Variants in NALF1 observed in about 807,000 individuals in gnomAD.
NALF1 encodes the protein family with sequence similarity 155 member A.
In NALF1, 3 loss-of-function variants were observed where a neutral mutation model predicts 48.4. The ratio of observed to expected loss-of-function variants is 0.06; its 90% CI spans 0.03 to 0.16. NALF1 has a LOEUF of 0.16. NALF1 is among the 10% of genes least tolerant of loss of function. NALF1 has a pLI of 1.00. For missense variants in NALF1, 526 were observed against 571.5 expected (o/e 0.92, Z 0.81); for synonymous variants, 262 against 245.7 (o/e 1.07, Z -0.62).
intron 1 of NALF1, among the ~76,000 whole-genome samples, chr13:107,772,187 A>G (rs1434617675): frequency 2.0e-5 from 3 of 152,070 alleles, no homozygotes; most frequent in Non-Finnish European, 4.4e-5. Context: ...TACTTTCAGG[A>G]ACTCCTACTC....
At chr13:107,584,128 T>C (rs1181907004) in intron 1 of NALF1, among the ~76,000 whole-genome samples, 1 of 152,144 alleles carries the variant, frequency 6.6e-6, no homozygotes, top group African/African-American at 2.4e-5. Flanking sequence ...CTAGGGACTC[T>C]CAATAAATAG....
chr13:107,593,221 T>C (rs1475885593), intron 1 of NALF1, among the ~76,000 whole-genome samples: 1 of 151,946 alleles, frequency 6.6e-6, no homozygotes, highest in Non-Finnish European at 1.5e-5. Context: ...TAAGAACATT[T>C]AATGCTGTAC....
chr13:107,271,147 C>T (rs1419142183), intron 1 of NALF1, among the ~76,000 whole-genome samples: 1 of 152,150 alleles, frequency 6.6e-6, no homozygotes, highest in Non-Finnish European at 1.5e-5. Context: ...ACCTCTACCA[C>T]TGATGTTACT....
chr13:107,732,227 C>T (rs1210855191), intron 1 of NALF1, among the ~76,000 whole-genome samples: 1 of 151,958 alleles, frequency 6.6e-6, no homozygotes, highest in Admixed American at 6.6e-5. Context: ...TACATGCATC[C>T]TCTATATACT....
At chr13:107,818,813 A>C (rs1294354084) in intron 1 of NALF1, among the ~76,000 whole-genome samples, 1 of 130,200 alleles carries the variant, frequency 7.7e-6, no homozygotes, top group Non-Finnish European at 1.5e-5. Flanking sequence ...CGGAGCTTGC[A>C]GTGAGCCGAG....
chr13:107,604,792 G>A (rs746042625), intron 1 of NALF1, among the ~76,000 whole-genome samples: 3 of 152,062 alleles, frequency 2.0e-5, no homozygotes, highest in Non-Finnish European at 2.9e-5. Context: ...AAGCTGTGCC[G>A]CAGCCTCAAG....
chr13:107,183,803 T>C (rs1004088775), intron 2 of NALF1, among the ~76,000 whole-genome samples: 4 of 151,910 alleles, frequency 2.6e-5, no homozygotes, highest in Non-Finnish European at 5.9e-5. Flanking sequence ...TGAGAACACA[T>C]GGGCACAGAG....
Position 107,203,359 on chromosome 13 carries a change from G to A in NALF1, c.1087+7225C>T, listed in dbSNP as rs183738854. ...GTTATCGCCTCCTGGCTGTAGAGGA[G>A]ATCACTACATGCTTTGATTCAGCTT... is the stretch of plus-strand genomic sequence containing the variant. On this transcript the variant is annotated intron_variant, in intron 2 of 2. Coordinates refer to ENST00000375915, the MANE Select transcript of NALF1 (RefSeq NM_001080396.3). Among the ~76,000 whole-genome samples, 28 of 152,252 alleles carry A rather than the reference G, an allele frequency of 1.8e-4. No homozygotes were observed. In the East Asian group the frequency reaches 5.0e-3, roughly 27 times the overall value.
chr13:107,526,049 G>T (rs1188101133), intron 1 of NALF1, among the ~76,000 whole-genome samples: 3 of 151,948 alleles, frequency 2.0e-5, no homozygotes, highest in African/African-American at 4.8e-5. Context: ...GACATATTCT[G>T]GATACAAGTT....
At chr13:107,640,860 G>A (rs1880133336) in intron 1 of NALF1, among the ~76,000 whole-genome samples, 3 of 152,256 alleles carry the variant, frequency 2.0e-5, no homozygotes, top group African/African-American at 2.4e-5. Flanking sequence ...GAGGCCCTAT[G>A]GCAAGATATA....
intron 1 of NALF1, among the ~76,000 whole-genome samples, chr13:107,430,529 T>C (rs181708742): frequency 3.3e-5 from 5 of 152,260 alleles, no homozygotes; most frequent in African/African-American, 1.2e-4. Context: ...AATTCCCACC[T>C]ATGAGTGAGA....
chr13:107,420,840 C>G (rs1250016614), intron 1 of NALF1, among the ~76,000 whole-genome samples: 1 of 152,162 alleles, frequency 6.6e-6, no homozygotes, highest in African/African-American at 2.4e-5. Flanking sequence ...ATTAATTTCT[C>G]ACTTTCGTTT....
At chr13:107,809,169 T>C (rs568918399) in intron 1 of NALF1, among the ~76,000 whole-genome samples, 18 of 151,984 alleles carry the variant, frequency 1.2e-4, no homozygotes, top group African/African-American at 3.9e-4. Flanking sequence ...CTCTTCATTA[T>C]CTAGTTTGCA....
intron 1 of NALF1, among the ~76,000 whole-genome samples, chr13:107,835,648 G>C (rs1879867926): frequency 6.6e-6 from 1 of 152,024 alleles, no homozygotes; most frequent in African/African-American, 2.4e-5. Context: ...GGTGACTCAG[G>C]GCTTAGTTAG....
At chr13:107,775,895 C>G (rs963988991) in intron 1 of NALF1, among the ~76,000 whole-genome samples, 1 of 152,172 alleles carries the variant, frequency 6.6e-6, no homozygotes, top group Admixed American at 6.5e-5. Context: ...AATGACCAAG[C>G]TAGGCTGTCA....
intron 1 of NALF1, among the ~76,000 whole-genome samples, chr13:107,818,151 T>C (rs959926873): frequency 1.3e-4 from 20 of 152,204 alleles, no homozygotes; most frequent in African/African-American, 4.8e-4. Context: ...AAGCATTTTC[T>C]GACTAGGTCA....
intron 1 of NALF1, among the ~76,000 whole-genome samples, chr13:107,609,152 T>C (rs1162104424): frequency 4.6e-5 from 7 of 152,262 alleles, no homozygotes; most frequent in African/African-American, 7.2e-5. Flanking sequence ...AAATGATTGG[T>C]ATAGGTCCTG....
chr13:107,408,009 C>T (rs866144247), intron 1 of NALF1, among the ~76,000 whole-genome samples: 1 of 151,986 alleles, frequency 6.6e-6, no homozygotes, highest in African/African-American at 2.4e-5. Flanking sequence ...CACTAAAAGA[C>T]AAACTTCACA....
chr13:107,813,809 C>T (rs73587748), intron 1 of NALF1, among the ~76,000 whole-genome samples: 6,469 of 152,150 alleles, frequency 0.043, 178 homozygotes, highest in African/African-American at 0.08. Context: ...TGAATGGACA[C>T]TGGAGATGCA....
Sources: gnomAD v4.1 joint callset for allele counts (sites outside exome capture counted in the v4.1 genomes callset) on GRCh38, gnomAD v4.1.1 for gene constraint, MANE v1.5 for transcripts, NCBI Gene and HGNC (gene_info 2026-07-23, HGNC 2026-07-21) for gene names.